The following ZC3H4 variants were observed in gnomAD, a reference collection of about 807,000 sequenced individuals.
ZC3H4 encodes zinc finger CCCH domain-containing protein 4.
Under a neutral mutation model 108.3 loss-of-function variants are expected in ZC3H4, and 13 were observed. The ratio of observed to expected loss-of-function variants is 0.12; its 90% confidence interval spans 0.08 to 0.19. ZC3H4 has a LOEUF of 0.19. ZC3H4 is among the 10% of genes least tolerant of loss of function. ZC3H4 has a pLI of 1.00. For synonymous variants in ZC3H4, 917 were observed against 749.6 expected (o/e 1.22, Z -3.65); for missense variants, 1,734 against 1,838.8 (o/e 0.94, Z 1.04).
In ZC3H4 at chr19:47,072,447, C is replaced by T. The variant is rs368259473; in HGVS notation, c.1707G>A (p.Gln569=). ...MPVHEPLSPQ[Q]LQQQDMYNKK... is the part of the protein sequence containing the mutation. ...TGTTGTACATGTCCTGCTGCTGCAG[C>T]TGCTGCGGGGACAGTGGCTCATGCA... The change falls in exon 12 of 15, where the codon CAG becomes CAA. Residue 569 remains glutamine (Q), a synonymous_variant. Coordinates refer to ENST00000253048, the MANE Select transcript of ZC3H4 (RefSeq NM_015168.2). The surrounding 1 kb of genome is among the most constrained non-coding windows in gnomAD (Gnocchi z 5.6). The T allele has an allele frequency of 1.9e-6, 3 of 1,578,208 alleles. No individual in the cohort carries two copies. The South Asian group carries it at 3.3e-5, about 18-fold the overall frequency.
At chr19:47,086,624 T>G (rs766684175) in intron 5 of ZC3H4, 86 bp from the exon 6 acceptor site, 1 of 1,469,746 alleles carries the variant, frequency 6.8e-7, no homozygotes, top group Admixed American at 2.7e-5. Flanking sequence ...GCTCCTGAGG[T>G]CAATCACTTC....
In ZC3H4 at chr19:47,067,587, C is replaced by T. The variant is rs913770391; in HGVS notation, c.2681G>A (p.Arg894His). 9.4e-6 allele frequency: 15 copies of T among 1,602,280 alleles called. No homozygotes were observed. Among genetic ancestry groups the T allele is most frequent in the Non-Finnish European group, 1.3e-5 (15 of 1,175,814 alleles). ...TTCGGGCTTGGAGGTGGGCAGGGCGCGAGCCAGCCGAGGATCGGAGGGTCC... is the reference window on the plus strand; with the variant it reads ...TTCGGGCTTGGAGGTGGGCAGGGCGTGAGCCAGCCGAGGATCGGAGGGTCC... ...DSGPSDPRLA[R>H]ALPTSKPEGS... Residue 894 changes from arginine (R) to histidine (H), a missense_variant, in exon 15 of 15, where the codon CGC becomes CAC. Transcript: ENST00000253048. The surrounding 1 kb of genome is among the most constrained non-coding windows in gnomAD (Gnocchi z 6.4).
intron 11 of ZC3H4, among the ~76,000 whole-genome samples, chr19:47,079,280 C>T (rs1007443912): frequency 2.0e-5 from 3 of 151,366 alleles, no homozygotes; most frequent in East Asian, 2.0e-4. Flanking sequence ...CCGTCTGCCT[C>T]GGCATCCCAC....
intron 2 of ZC3H4, among the ~76,000 whole-genome samples, chr19:47,107,270 TTC>T (rs2057979428): frequency 1.3e-5 from 2 of 152,190 alleles, no homozygotes; most frequent in African/African-American, 2.4e-5. Context: ...ACTGTAAAAG[TTC>T]TGTTTCAAAT....
intron 11 of ZC3H4, among the ~76,000 whole-genome samples, chr19:47,078,086 T>C (rs1422934471): frequency 1.3e-5 from 2 of 152,152 alleles, no homozygotes; most frequent in African/African-American, 2.4e-5. Flanking sequence ...AGATCAAATA[T>C]AATCCCAATG....
intron 2 of ZC3H4, among the ~76,000 whole-genome samples, chr19:47,110,703 C>T (rs533124866): frequency 4.6e-5 from 7 of 152,190 alleles, no homozygotes; most frequent in Admixed American, 6.5e-5. Context: ...TCGAATAAAG[C>T]GTGTAAGCAC....
intron 2 of ZC3H4, among the ~76,000 whole-genome samples, chr19:47,111,358 G>T (rs1488167978): frequency 6.6e-6 from 1 of 152,214 alleles, no homozygotes; most frequent in African/African-American, 2.4e-5. Flanking sequence ...GGCGTGGGGG[G>T]CCCGCGTTTC....
intron 2 of ZC3H4, among the ~76,000 whole-genome samples, chr19:47,108,614 C>T (rs1229382881): frequency 6.6e-6 from 1 of 152,184 alleles, no homozygotes; most frequent in Non-Finnish European, 1.5e-5. Context: ...GAGTCAAAAC[C>T]GTTCATCTTT....
chr19:47,108,398 C>A (rs967739939), intron 2 of ZC3H4, among the ~76,000 whole-genome samples: 5 of 152,178 alleles, frequency 3.3e-5, no homozygotes, highest in South Asian at 4.2e-4. Context: ...CTGGATCTGA[C>A]CTCTATGGAG....
chr19:47,086,400 T>A lies in ZC3H4; in HGVS notation c.854A>T (p.Tyr285Phe). The change falls in exon 6 of 15, where the codon TAC becomes TTC. Residue 285 changes from tyrosine to phenylalanine, a missense_variant. Physicochemically the swap from Tyr to Phe is conservative, Grantham distance 22 (BLOSUM62 3). Around this residue, in one of 9 missense-constraint regions of ZC3H4, gnomAD observed 403 missense variants for 457.0 expected, o/e 0.88. Transcript: ENST00000253048. ...GDHPEDEEDF[Y>F]EEEMDYGESE... ...AAACCTTACGTCCATCTCTTCCTCG[T>A]AGAAATCCTCTTCATCCTCCGGGTG... The A allele has an allele frequency of 6.2e-7, 1 of 1,613,556 alleles. No individual in the cohort carries two copies. The highest frequency in any genetic ancestry group is 8.5e-7 in the Non-Finnish European group (1 of 1,179,838).
At chr19:47,097,772 C>T (rs952319242) in intron 2 of ZC3H4, among the ~76,000 whole-genome samples, 11 of 152,134 alleles carry the variant, frequency 7.2e-5, no homozygotes, top group African/African-American at 2.4e-4. Context: ...AGCCCCACCG[C>T]GCTAATCATT....
Position 47,090,022 on chromosome 19 carries a change from G to A in ZC3H4, c.660C>T (p.Phe220=). 1 of 1,614,188 alleles carries A rather than the reference G, an allele frequency of 6.2e-7. No individual in the cohort carries two copies. Residue 220 remains phenylalanine (F), a synonymous_variant, in exon 5 of 15, where the codon TTC becomes TTT. Coordinates refer to ENST00000253048, the MANE Select transcript of ZC3H4 (RefSeq NM_015168.2). The part of the protein sequence containing the change: ...EDMGKEDYDD[F]TKELNQYRRA... ...GCCGGTACTGGTTCAGCTCTTTGGT[G>A]AAGTCGTCATAGTCCTCCTTGCCCA...
intron 2 of ZC3H4, among the ~76,000 whole-genome samples, chr19:47,097,624 C>T (rs924683116): frequency 1.2e-4 from 18 of 152,206 alleles, no homozygotes; most frequent in Non-Finnish European, 2.5e-4. Flanking sequence ...GGCACAAAGG[C>T]GGTCTCAACA....
intron 14 of ZC3H4, 73 bp downstream of exon 14, chr19:47,069,019 A>T (rs983713318): frequency 2.5e-6 from 4 of 1,590,912 alleles, no homozygotes; most frequent in Non-Finnish European, 3.4e-6. Context: ...CCCAACCTGG[A>T]ACACCCCACC....
intron 2 of ZC3H4, among the ~76,000 whole-genome samples, chr19:47,099,493 C>T (rs1390387906): frequency 1.3e-5 from 2 of 151,766 alleles, no homozygotes; most frequent in Non-Finnish European, 2.9e-5. Context: ...AAGCTGCAGC[C>T]AGCTCTCCCT....
At chr19:47,107,163 C>T (rs2057977883) in intron 2 of ZC3H4, among the ~76,000 whole-genome samples, 1 of 152,138 alleles carries the variant, frequency 6.6e-6, no homozygotes, top group African/African-American at 2.4e-5. Flanking sequence ...CCAATTGGCT[C>T]CCTGCAATTA....
intron 2 of ZC3H4, among the ~76,000 whole-genome samples, chr19:47,110,130 T>A (rs2058019402): frequency 6.6e-6 from 1 of 152,148 alleles, no homozygotes; most frequent in Non-Finnish European, 1.5e-5. Context: ...ACAAATGACT[T>A]GCTCAATTTT....
Position 47,067,487 on chromosome 19 carries a change from TTCC to T in ZC3H4, c.2778_2780del (p.Glu927del), listed in dbSNP as rs1159210435. On this transcript the variant is annotated inframe_deletion, in exon 15 of 15. Coordinates refer to ENST00000253048, the MANE Select transcript of ZC3H4 (RefSeq NM_015168.2). This position sits in a 1 kb window ranked among gnomAD's most constrained non-coding sequence, Gnocchi z 6.4. ...CCTTCTCCCGCAGGGCCCGCTCCCCTTCCTCCTCCTCCGTTGGGGGCGGCCCAG... is the reference window on the plus strand; with the variant it reads ...CCTTCTCCCGCAGGGCCCGCTCCCCTTCCTCCTCCGTTGGGGGCGGCCCAG... 15 of 1,582,388 alleles carry T rather than the reference TTCC, an allele frequency of 9.5e-6. No homozygotes were observed. The highest frequency in any genetic ancestry group is 3.5e-5 in the South Asian group (3 of 86,584).
At chr19:47,086,617 C>T in intron 5 of ZC3H4, 79 bp from the exon 6 acceptor site, 1 of 1,483,738 alleles carries the variant, frequency 6.7e-7, no homozygotes, top group Non-Finnish European at 8.9e-7. Flanking sequence ...ACATTTTGCT[C>T]CTGAGGTCAA....
Sources: gnomAD v4.1 joint callset for allele counts (sites outside exome capture counted in the v4.1 genomes callset) on GRCh38, gnomAD v4.1.1 for gene constraint, gnomAD v4.1.1 regional missense constraint, Gnocchi (gnomAD v3.1) non-coding constraint, MANE v1.5 for transcripts, NCBI Gene and HGNC (gene_info 2026-07-23, HGNC 2026-07-21) for gene names.